Variants in LDB2 observed in about 807,000 individuals in gnomAD.
LDB2 encodes LIM domain-binding protein 2.
Under a neutral mutation model 44.3 loss-of-function variants are expected in LDB2, and 12 were observed. The observed-to-expected ratio is 0.27, with a 90% CI of 0.17 to 0.44. The LOEUF is 0.44. LDB2 is among the 20% of genes least tolerant of loss of function. The probability of loss-of-function intolerance (pLI) is 1.00; values close to 1 mark genes in which losing one functional copy is unlikely to be tolerated. For synonymous variants in LDB2, 164 were observed against 174.8 expected (o/e 0.94, Z 0.49); for missense variants, 344 against 473.5 (o/e 0.73, Z 2.54).
intron 5 of LDB2, among the ~76,000 whole-genome samples, chr4:16,552,921 T>G: frequency 6.6e-6 from 1 of 152,260 alleles, no homozygotes; most frequent in East Asian, 1.9e-4. Flanking sequence ...CTTGGGCAGG[T>G]TGCAGCCAGA....
At chr4:16,581,680 A>G (rs928681519) in intron 5 of LDB2, among the ~76,000 whole-genome samples, 2 of 152,124 alleles carry the variant, frequency 1.3e-5, no homozygotes, top group Non-Finnish European at 2.9e-5. Flanking sequence ...TCCAAGGGCC[A>G]TCTTCTCTAT....
intron 2 of LDB2, among the ~76,000 whole-genome samples, chr4:16,667,220 A>T (rs183869588): frequency 1.8e-4 from 28 of 152,252 alleles, no homozygotes; most frequent in Non-Finnish European, 1.9e-4. Context: ...TATCTTCCAG[A>T]ACCAAGGAAA....
At chr4:16,869,566 A>T (rs1239457672) in intron 1 of LDB2, among the ~76,000 whole-genome samples, 3 of 152,232 alleles carry the variant, frequency 2.0e-5, no homozygotes, top group African/African-American at 7.2e-5. Flanking sequence ...CAAATGAGGC[A>T]ACAGACTCAT....
At chr4:16,825,616 T>G (rs1782906655) in intron 1 of LDB2, among the ~76,000 whole-genome samples, 1 of 152,130 alleles carries the variant, frequency 6.6e-6, no homozygotes, top group Non-Finnish European at 1.5e-5. Context: ...TTTTTTAAAC[T>G]GAGCCCAGGT....
chr4:16,528,787 G>C (rs2152296137), intron 5 of LDB2, among the ~76,000 whole-genome samples: 1 of 152,270 alleles, frequency 6.6e-6, no homozygotes, highest in Admixed American at 6.5e-5. Flanking sequence ...TAAGGGACGT[G>C]GGCGAAGAAC....
intron 1 of LDB2, among the ~76,000 whole-genome samples, chr4:16,818,508 A>G (rs931867094): frequency 3.9e-5 from 6 of 152,176 alleles, no homozygotes; most frequent in African/African-American, 1.4e-4. Context: ...GAATTTGTTG[A>G]TCATTTGTTG....
At chr4:16,661,710 T>C (rs1297587228) in intron 2 of LDB2, among the ~76,000 whole-genome samples, 1 of 152,174 alleles carries the variant, frequency 6.6e-6, no homozygotes, top group Non-Finnish European at 1.5e-5. Flanking sequence ...TTCAAGGACT[T>C]AGGGCCCAGG....
At chr4:16,726,987 T>A (rs773590249) in intron 2 of LDB2, among the ~76,000 whole-genome samples, 1 of 152,204 alleles carries the variant, frequency 6.6e-6, no homozygotes, top group Non-Finnish European at 1.5e-5. Context: ...CACATTAACA[T>A]GGGTCGGTTT....
chr4:16,546,286 C>T (rs765315876), intron 5 of LDB2, among the ~76,000 whole-genome samples: 22 of 152,146 alleles, frequency 1.4e-4, no homozygotes, highest in Non-Finnish European at 2.2e-4. Context: ...CAGGTATCTA[C>T]GTTTGAAGGC....
chr4:16,622,073 T>C (rs1191400118), intron 2 of LDB2, among the ~76,000 whole-genome samples: 2 of 152,224 alleles, frequency 1.3e-5, no homozygotes, highest in African/African-American at 4.8e-5. Context: ...AAAACAAATC[T>C]ATACAAAGAG....
At chr4:16,673,199 T>C (rs1745370027) in intron 2 of LDB2, among the ~76,000 whole-genome samples, 1 of 152,162 alleles carries the variant, frequency 6.6e-6, no homozygotes, top group Non-Finnish European at 1.5e-5. Flanking sequence ...CTGCTAAAAA[T>C]CTGGGAATAG....
intron 2 of LDB2, among the ~76,000 whole-genome samples, chr4:16,688,548 C>T (rs1749820240): frequency 6.6e-6 from 1 of 152,174 alleles, no homozygotes; most frequent in South Asian, 2.1e-4. Context: ...ATTACTGTTA[C>T]AGCATTAGAT....
intron 2 of LDB2, among the ~76,000 whole-genome samples, chr4:16,661,606 T>C (rs1204501197): frequency 6.6e-6 from 1 of 152,218 alleles, no homozygotes; most frequent in Non-Finnish European, 1.5e-5. Context: ...GCTGTGGCTA[T>C]TAGTATGGCT....
At chr4:16,608,145 T>A (rs1724452161) in intron 2 of LDB2, among the ~76,000 whole-genome samples, 1 of 143,234 alleles carries the variant, frequency 7.0e-6, no homozygotes, top group Non-Finnish European at 1.5e-5. Flanking sequence ...GTTTCTACCT[T>A]ACCATACTGT....
At chr4:16,620,051 T>A (rs1439551412) in intron 2 of LDB2, among the ~76,000 whole-genome samples, 1 of 152,178 alleles carries the variant, frequency 6.6e-6, no homozygotes, top group Non-Finnish European at 1.5e-5. Context: ...GCTTTCTCCG[T>A]CTGAGTTATT....
chr4:16,765,139 C>T (rs575932932), intron 1 of LDB2, among the ~76,000 whole-genome samples: 8 of 152,150 alleles, frequency 5.3e-5, no homozygotes, highest in South Asian at 2.1e-4. Flanking sequence ...TTGGGTGGCA[C>T]GCACATCTGG....
intron 2 of LDB2, among the ~76,000 whole-genome samples, chr4:16,719,199 A>C (rs531481803): frequency 6.6e-6 from 1 of 152,232 alleles, no homozygotes; most frequent in Non-Finnish European, 1.5e-5. Flanking sequence ...AAGTGTTTGA[A>C]TCAACTCTTA....
intron 5 of LDB2, among the ~76,000 whole-genome samples, chr4:16,580,137 G>A (rs1247151795): frequency 2.0e-5 from 3 of 152,184 alleles, no homozygotes; most frequent in Non-Finnish European, 4.4e-5. Context: ...AAGGCATGGA[G>A]GCAAGAGAGC....
At chr4:16,542,479 G>A (rs996096722) in intron 5 of LDB2, among the ~76,000 whole-genome samples, 4 of 152,168 alleles carry the variant, frequency 2.6e-5, no homozygotes, top group Non-Finnish European at 4.4e-5. Flanking sequence ...CCCATAGGCC[G>A]GAGGGAGGGA....
Sources: gnomAD v4.1 joint callset for allele counts (sites outside exome capture counted in the v4.1 genomes callset) on GRCh38, gnomAD v4.1.1 for gene constraint, MANE v1.5 for transcripts, NCBI Gene and HGNC (gene_info 2026-07-23, HGNC 2026-07-21) for gene names.